The following ASTN1 variants were observed in gnomAD, a reference collection of about 807,000 sequenced individuals.
ASTN1 encodes astrotactin 1.
A neutral mutation model predicts 140.7 loss-of-function variants in ASTN1; 41 were observed. The ratio of observed to expected loss-of-function variants is 0.29; its 90% CI spans 0.23 to 0.38. The LOEUF is 0.38. ASTN1 is among the 10% of genes least tolerant of loss of function. The pLI is 1.00. For synonymous variants in ASTN1, 640 were observed against 652.2 expected (o/e 0.98, Z 0.29); for missense variants, 1,479 against 1,678.8 (o/e 0.88, Z 2.08).
intron 1 of ASTN1, among the ~76,000 whole-genome samples, chr1:177,163,682 G>C (rs558426327): frequency 6.6e-6 from 1 of 152,330 alleles, no homozygotes; most frequent in Non-Finnish European, 1.5e-5. Flanking sequence ...GAACAAAGAA[G>C]AGACCAATAC....
chr1:177,130,190 T>C (rs1199405793), intron 1 of ASTN1, among the ~76,000 whole-genome samples: 1 of 152,106 alleles, frequency 6.6e-6, no homozygotes, highest in Admixed American at 6.5e-5. Flanking sequence ...TTTCTTCCTG[T>C]TTAAATTCCT....
intron 1 of ASTN1, among the ~76,000 whole-genome samples, chr1:177,083,187 C>G (rs556955068): frequency 6.6e-6 from 1 of 151,900 alleles, no homozygotes; most frequent in Non-Finnish European, 1.5e-5. Flanking sequence ...GTTTAGTGAC[C>G]TGGTGACAGC....
chr1:176,871,553 G>A (rs879848086), intron 21 of ASTN1, among the ~76,000 whole-genome samples: 3 of 152,258 alleles, frequency 2.0e-5, no homozygotes, highest in East Asian at 1.9e-4. Context: ...TTTGCAGCAC[G>A]TGGGATGAGA....
intron 1 of ASTN1, among the ~76,000 whole-genome samples, chr1:177,099,106 A>G (rs569216127): frequency 6.6e-6 from 1 of 152,324 alleles, no homozygotes; most frequent in Admixed American, 6.5e-5. Context: ...CCATTAAGCA[A>G]CATCAATTCT....
intron 9 of ASTN1, among the ~76,000 whole-genome samples, chr1:176,960,200 C>A (rs778179896): frequency 2.6e-5 from 4 of 152,250 alleles, no homozygotes; most frequent in African/African-American, 4.8e-5. Flanking sequence ...TTTCACTTTG[C>A]ATTTCATAAT....
intron 7 of ASTN1, 36 bp downstream of exon 7, chr1:177,023,368 T>C: frequency 6.5e-7 from 1 of 1,549,850 alleles, no homozygotes; most frequent in Non-Finnish European, 8.7e-7. Context: ...GCATGATCTC[T>C]CTGACAGTTA....
At chr1:177,005,593 T>A (rs748063474) in intron 8 of ASTN1, among the ~76,000 whole-genome samples, 2 of 152,160 alleles carry the variant, frequency 1.3e-5, no homozygotes, top group African/African-American at 4.8e-5. Flanking sequence ...CATCAACTGA[T>A]GAGTGAATAA....
At chr1:177,071,409 A>AC (rs1678628677) in intron 1 of ASTN1, among the ~76,000 whole-genome samples, 2 of 152,226 alleles carry the variant, frequency 1.3e-5, no homozygotes. Flanking sequence ...TATTAAAATA[A>AC]CAGTTATGCT....
At chr1:176,981,367 C>G (rs1428914750) in intron 8 of ASTN1, 1 of 151,968 alleles carries the variant, frequency 6.6e-6, no homozygotes, top group Admixed American at 6.6e-5. Flanking sequence ...TTTTGTCCCC[C>G]CAAAAAGATA....
At chr1:176,924,546 C>T (rs924127430) in intron 16 of ASTN1, among the ~76,000 whole-genome samples, 2 of 152,156 alleles carry the variant, frequency 1.3e-5, no homozygotes, top group Admixed American at 6.5e-5. Context: ...TCTCTCTCTT[C>T]TCACTAGGAT....
chr1:177,121,160 T>C (rs564181640), intron 1 of ASTN1, among the ~76,000 whole-genome samples: 2 of 152,182 alleles, frequency 1.3e-5, no homozygotes, highest in African/African-American at 2.4e-5. Flanking sequence ...TGGGTTTCAA[T>C]AGACTAAGAG....
At chr1:176,930,272 G>A (rs1017865895) in intron 16 of ASTN1, among the ~76,000 whole-genome samples, 1 of 152,200 alleles carries the variant, frequency 6.6e-6, no homozygotes, top group Admixed American at 6.5e-5. Context: ...ATCTACCACA[G>A]TGTAGTACTT....
At chr1:177,061,763 G>A (rs2102034645) in intron 1 of ASTN1, among the ~76,000 whole-genome samples, 1 of 152,310 alleles carries the variant, frequency 6.6e-6, no homozygotes, top group African/African-American at 2.4e-5. Flanking sequence ...CAGAGCAACT[G>A]GGGCTGGTAG....
rs549967164 is a variant in ASTN1, at chr1:176,947,762, C to T, written c.2054+1423G>A. Among the ~76,000 whole-genome samples the T allele has an allele frequency of 3.3e-5, 5 of 152,308 alleles. No individual in the cohort carries two copies. In the East Asian group the frequency reaches 5.8e-4, roughly 18 times the overall value. On this transcript the variant is annotated intron_variant, in intron 12 of 22. Transcript: ENST00000361833. ...TCCCCTTTCACACTGCCTCATCTTC[C>T]TCATTCTCCTGACCATGTGTCCCAC... is the stretch of plus-strand genomic sequence containing the variant.
intron 8 of ASTN1, among the ~76,000 whole-genome samples, chr1:176,979,768 G>A (rs1332643248): frequency 6.6e-6 from 1 of 152,120 alleles, no homozygotes; most frequent in Non-Finnish European, 1.5e-5. Flanking sequence ...GCAGAAGTGT[G>A]TGATATTAGT....
chr1:177,014,004 C>T (rs893244485), intron 8 of ASTN1, among the ~76,000 whole-genome samples: 1 of 151,290 alleles, frequency 6.6e-6, no homozygotes, highest in Non-Finnish European at 1.5e-5. Context: ...TATGATCATG[C>T]CACTACACTC....
At chr1:177,145,976 G>A (rs555461873) in intron 1 of ASTN1, among the ~76,000 whole-genome samples, 3 of 152,144 alleles carry the variant, frequency 2.0e-5, no homozygotes, top group Middle Eastern at 3.4e-3. Flanking sequence ...CTTATGTGGG[G>A]TATATCTACC....
At chr1:176,867,463 C>T (rs1440216174) in intron 22 of ASTN1, among the ~76,000 whole-genome samples, 3 of 152,000 alleles carry the variant, frequency 2.0e-5, no homozygotes, top group Non-Finnish European at 2.9e-5. Flanking sequence ...GAAGTGAAGA[C>T]AATATTTCTT....
intron 1 of ASTN1, among the ~76,000 whole-genome samples, chr1:177,128,814 G>A (rs527977633): frequency 6.6e-6 from 1 of 152,306 alleles, no homozygotes; most frequent in Admixed American, 6.5e-5. Flanking sequence ...ACCCAGCAAA[G>A]CCTGGCTCAG....
Sources: gnomAD v4.1 joint callset for allele counts (sites outside exome capture counted in the v4.1 genomes callset) on GRCh38, gnomAD v4.1.1 for gene constraint, MANE v1.5 for transcripts, NCBI Gene and HGNC (gene_info 2026-07-23, HGNC 2026-07-21) for gene names.